The following CLDN10 variants were observed in gnomAD, a reference collection of about 807,000 sequenced individuals.
CLDN10 encodes the protein claudin 10, also known as claudin-10.
In CLDN10, 15 loss-of-function variants were observed where a neutral mutation model predicts 22.9. The observed-to-expected ratio is 0.65, with a 90% CI of 0.44 to 1.01. The LOEUF (loss-of-function observed/expected upper bound fraction) is 1.01. Ranked by LOEUF, CLDN10 falls within the 50% of genes least tolerant of loss-of-function variation. The probability of loss-of-function intolerance (pLI) is 0.00; values close to 1 mark genes in which losing one functional copy is unlikely to be tolerated. For synonymous variants in CLDN10, 114 were observed against 111.4 expected, an observed-to-expected ratio of 1.02 and a Z score of -0.15; for missense variants, 247 against 287.8, an observed-to-expected ratio of 0.86 and a Z score of 1.03.
At chr13:95,494,855 A>G (rs1277510774) in intron 1 of CLDN10, among the ~76,000 whole-genome samples, 2 of 151,894 alleles carry the variant, frequency 1.3e-5, no homozygotes, top group African/African-American at 4.8e-5. Context: ...ATCACACAAC[A>G]CCTTGATGGC....
intron 1 of CLDN10, among the ~76,000 whole-genome samples, chr13:95,541,202 C>T (rs1227499080): frequency 6.6e-6 from 1 of 152,234 alleles, no homozygotes. Context: ...ATAAACGGAA[C>T]TCGTCTGCCT....
At chr13:95,491,416 G>A (rs2042870859) in intron 1 of CLDN10, among the ~76,000 whole-genome samples, 2 of 151,992 alleles carry the variant, frequency 1.3e-5, no homozygotes, top group Middle Eastern at 3.4e-3. Flanking sequence ...TTGTCTTCAA[G>A]CTCTGAATTT....
At chr13:95,574,533 G>A (rs1450561985) in intron 3 of CLDN10, among the ~76,000 whole-genome samples, 1 of 152,186 alleles carries the variant, frequency 6.6e-6, no homozygotes, top group East Asian at 1.9e-4. Context: ...CCTTTAGGAG[G>A]CTGAGGTGGG....
intron 1 of CLDN10, among the ~76,000 whole-genome samples, chr13:95,475,561 T>G (rs1201090727): frequency 6.6e-6 from 1 of 152,160 alleles, no homozygotes; most frequent in Non-Finnish European, 1.5e-5. Flanking sequence ...GGGAGGGAAG[T>G]GGCCAGCAGG....
chr13:95,520,708 C>T (rs1026125776), intron 1 of CLDN10, among the ~76,000 whole-genome samples: 2 of 152,112 alleles, frequency 1.3e-5, no homozygotes, highest in Non-Finnish European at 2.9e-5. Flanking sequence ...TGAGGGCGGG[C>T]GTGGTGGCTC....
At chr13:95,489,974 G>T (rs1205783961) in intron 1 of CLDN10, among the ~76,000 whole-genome samples, 1 of 152,168 alleles carries the variant, frequency 6.6e-6, no homozygotes, top group Non-Finnish European at 1.5e-5. Flanking sequence ...TGAAAATGAT[G>T]TCCTTTCCCC....
intron 1 of CLDN10, among the ~76,000 whole-genome samples, chr13:95,558,516 G>A (rs2043666035): frequency 6.6e-6 from 1 of 152,222 alleles, no homozygotes; most frequent in South Asian, 2.1e-4. Flanking sequence ...TGTCCTTGCA[G>A]TCTGCATTTG....
At chr13:95,508,381 A>G (rs963790763) in intron 1 of CLDN10, among the ~76,000 whole-genome samples, 3 of 152,216 alleles carry the variant, frequency 2.0e-5, no homozygotes, top group African/African-American at 7.2e-5. Flanking sequence ...TTAGAGTCAC[A>G]GAATACGGCC....
At chr13:95,437,899 G>A (rs1231034790) in intron 1 of CLDN10, among the ~76,000 whole-genome samples, 1 of 152,170 alleles carries the variant, frequency 6.6e-6, no homozygotes, top group Admixed American at 6.5e-5. Context: ...ATCTCCAAGA[G>A]TTCCTTCAGG....
At chr13:95,452,010 T>C (rs1566649791) in intron 1 of CLDN10, among the ~76,000 whole-genome samples, 2 of 152,224 alleles carry the variant, frequency 1.3e-5, no homozygotes, top group African/African-American at 4.8e-5. Flanking sequence ...CGGCTCACCC[T>C]GGTTCTCAAC....
At chr13:95,460,773 A>C (rs1015379854) in intron 1 of CLDN10, among the ~76,000 whole-genome samples, 2 of 151,636 alleles carry the variant, frequency 1.3e-5, no homozygotes, top group African/African-American at 4.8e-5. Context: ...TCTCCTCTGG[A>C]GTAGCTGTGA....
At chr13:95,455,028 C>T (rs567610443) in intron 1 of CLDN10, among the ~76,000 whole-genome samples, 20 of 152,132 alleles carry the variant, frequency 1.3e-4, no homozygotes, top group South Asian at 2.1e-4. Context: ...CATTTTAAAA[C>T]TAGCTGGGTG....
chr13:95,468,360 A>G (rs2042599281), intron 1 of CLDN10, among the ~76,000 whole-genome samples: 2 of 152,132 alleles, frequency 1.3e-5, no homozygotes, highest in Admixed American at 6.5e-5. Flanking sequence ...GATGTTCCAA[A>G]CTTATCCCTG....
intron 1 of CLDN10, among the ~76,000 whole-genome samples, chr13:95,452,697 C>A (rs909444574): frequency 2.0e-5 from 3 of 152,162 alleles, no homozygotes; most frequent in African/African-American, 7.2e-5. Flanking sequence ...AAATTATGAG[C>A]CATAACCTTC....
At chr13:95,484,209 C>A (rs2042778910) in intron 1 of CLDN10, among the ~76,000 whole-genome samples, 1 of 152,198 alleles carries the variant, frequency 6.6e-6, no homozygotes, top group African/African-American at 2.4e-5. Context: ...AGCTCAGTCA[C>A]TTTCTGAGAG....
At chr13:95,537,622 A>C (rs900932353) in intron 1 of CLDN10, among the ~76,000 whole-genome samples, 21 of 152,328 alleles carry the variant, frequency 1.4e-4, no homozygotes, top group Non-Finnish European at 2.6e-4. Context: ...CATTTAACCA[A>C]ATTCTTTACT....
intron 1 of CLDN10, among the ~76,000 whole-genome samples, chr13:95,482,548 G>A (rs554387460): frequency 1.2e-4 from 18 of 152,268 alleles, no homozygotes; most frequent in African/African-American, 3.9e-4. Context: ...ACACCTATGA[G>A]ACCAATCTTG....
chr13:95,480,233 A>T (rs1357484237), intron 1 of CLDN10, among the ~76,000 whole-genome samples: 1 of 152,176 alleles, frequency 6.6e-6, no homozygotes, highest in Non-Finnish European at 1.5e-5. Flanking sequence ...CTCCCACGAC[A>T]CATGGGAATT....
At chr13:95,544,273 T>C (rs894765622) in intron 1 of CLDN10, among the ~76,000 whole-genome samples, 2 of 152,234 alleles carry the variant, frequency 1.3e-5, no homozygotes, top group East Asian at 1.9e-4. Flanking sequence ...CCAAATTTCA[T>C]TGGCTGCTTT....
Sources: allele counts gnomAD v4.1 joint callset (sites outside exome capture counted in the v4.1 genomes callset), GRCh38; gene constraint gnomAD v4.1.1; transcripts MANE v1.5; gene names NCBI Gene and HGNC (gene_info 2026-07-23, HGNC 2026-07-21).